NPAS1: variants seen among roughly 807,000 people sequenced by gnomAD.
NPAS1 encodes neuronal PAS domain protein 1.
In NPAS1, 29 loss-of-function variants were observed where a neutral mutation model predicts 49.2. That is an observed-to-expected ratio of 0.59 (90% CI 0.44 to 0.80). NPAS1 has a LOEUF of 0.80. Ranked by LOEUF, NPAS1 falls within the 30% of genes least tolerant of loss-of-function variation. The probability of loss-of-function intolerance (pLI) is 0.00; values close to 1 mark genes in which losing one functional copy is unlikely to be tolerated. For missense variants in NPAS1, 825 were observed against 835.5 expected, an observed-to-expected ratio of 0.99 and a Z score of 0.15; for synonymous variants, 408 against 380.4, an observed-to-expected ratio of 1.07 and a Z score of -0.84.
intron 3 of NPAS1, among the ~76,000 whole-genome samples, chr19:47,025,883 A>G (rs1044071034): frequency 1.1e-4 from 16 of 150,490 alleles, no homozygotes; most frequent in African/African-American, 1.7e-4. Context: ...CCAAGGGGTG[A>G]CTTCTTAGCT....
In NPAS1 at chr19:47,021,930, C is replaced by G. The variant is rs1369327747; in HGVS notation, c.358+83C>G. On this transcript the variant is annotated intron_variant, in intron 3 of 11. Coordinates refer to ENST00000602212, the MANE Select transcript of NPAS1 (RefSeq NM_002517.4). This position sits in a 1 kb window ranked among gnomAD's most constrained non-coding sequence, Gnocchi z 5.7. ...CCCAGATCCGGGCTGCGGGCCTGCCCTCGCCCAGATGCTTGTCTCTGGAGT... is the reference window on the plus strand; with the variant it reads ...CCCAGATCCGGGCTGCGGGCCTGCCGTCGCCCAGATGCTTGTCTCTGGAGT... 1 of 906,260 alleles carries G rather than the reference C, an allele frequency of 1.1e-6. No homozygotes were observed. The highest frequency in any genetic ancestry group is 1.8e-5 in the African/African-American group (1 of 56,268). 56.1% of individuals were successfully genotyped at this position (906,260 alleles called of 1,614,324 possible).
At chr19:47,029,243 G>A (rs776151434) in intron 3 of NPAS1, among the ~76,000 whole-genome samples, 29 of 150,742 alleles carry the variant, frequency 1.9e-4, no homozygotes, top group Non-Finnish European at 2.8e-4. Flanking sequence ...CACCACGCCC[G>A]GCTAGTTTTT....
chr19:47,038,257 G>A (rs757444050), intron 6 of NPAS1, among the ~76,000 whole-genome samples: 30 of 152,300 alleles, frequency 2.0e-4, no homozygotes, highest in Non-Finnish European at 3.2e-4. Flanking sequence ...AGTGGCTCAC[G>A]CCTGTAATCC....
intron 9 of NPAS1, 106 bp from the exon 10 acceptor site, chr19:47,040,872 C>T (rs748645074): frequency 5.2e-5 from 49 of 942,246 alleles, no homozygotes; most frequent in Middle Eastern, 2.2e-4. Flanking sequence ...TCTCCCTGCC[C>T]ACTCCCCTGC....
intron 3 of NPAS1, among the ~76,000 whole-genome samples, chr19:47,028,206 A>G (rs1245682729): frequency 1.3e-5 from 2 of 152,082 alleles, no homozygotes; most frequent in Non-Finnish European, 2.9e-5. Flanking sequence ...GACAGGGGAA[A>G]ATTGCGACAA....
intron 8 of NPAS1, among the ~76,000 whole-genome samples, chr19:47,040,222 C>T (rs1049348248): frequency 2.0e-5 from 3 of 152,098 alleles, no homozygotes; most frequent in African/African-American, 4.8e-5. Flanking sequence ...GGGGTTTCAC[C>T]ATCTTAGGCA....
In NPAS1 at chr19:47,045,431, A is replaced by AC. The variant is rs752459837; in HGVS notation, c.1559dup (p.Pro521AlafsTer91). The AC allele has an allele frequency of 4.4e-6, 7 of 1,602,776 alleles. No individual in the cohort carries two copies. Among genetic ancestry groups the AC allele is most frequent in the African/African-American group, 1.3e-5 (1 of 74,344 alleles). ...CCATGGGGCCTGGCGCCTCCCGGGG[A>AC]CCCCCCGCCCACCCTCCTGCACGCG... On this transcript the variant is annotated frameshift_variant, in exon 12 of 12. Transcript: ENST00000602212. LOFTEE classifies it low-confidence loss of function (END_TRUNC).
rs1299904565 is a variant in NPAS1, at chr19:47,032,562, T to G, written c.433-81T>G. On this transcript the variant is annotated intron_variant, in intron 4 of 11. Coordinates refer to ENST00000602212, the MANE Select transcript of NPAS1 (RefSeq NM_002517.4). ...TCCACCTCAGGTGGAGACCCAGGTT[T>G]CAGAACCTCTTACCACTTGGCGGCT... 12 of 1,364,680 alleles carry G rather than the reference T, an allele frequency of 8.8e-6. No homozygotes were observed. In the South Asian group the frequency reaches 1.4e-4, roughly 16 times the overall value. The allele number at this position is 1,364,680 out of a possible 1,614,324, so 84.5% of individuals were successfully genotyped here.
chr19:47,029,897 C>T (rs1373645319), intron 3 of NPAS1, among the ~76,000 whole-genome samples: 3 of 152,180 alleles, frequency 2.0e-5, no homozygotes, highest in Admixed American at 6.5e-5. Context: ...ATTGAGAAAC[C>T]GTCAAATTGT....
chr19:47,041,236 G>T lies in NPAS1; in HGVS notation c.1217+111G>T, dbSNP rs1599921238. 3.8e-6 allele frequency: 4 copies of T among 1,065,780 alleles called. No homozygotes were observed. In the East Asian group the frequency reaches 1.2e-4, roughly 32 times the overall value. The allele number at this position is 1,065,780 out of a possible 1,614,324, so 66.0% of individuals were successfully genotyped here. A position where few individuals can be genotyped will look rare whatever the true frequency, so the allele number is the denominator to read the frequency against. Reference sequence around the variant, plus strand: ...TTCTAGAATGGGACAAGCCCAGGGGGTCTGCAGACACGAAGGGGAAGGAGG... The same window carrying T: ...TTCTAGAATGGGACAAGCCCAGGGGTTCTGCAGACACGAAGGGGAAGGAGG... On this transcript the variant is annotated intron_variant, in intron 10 of 11. Coordinates refer to ENST00000602212, the MANE Select transcript of NPAS1 (RefSeq NM_002517.4).
At chr19:47,043,943 A>G (rs1038971794) in intron 11 of NPAS1, among the ~76,000 whole-genome samples, 3 of 149,256 alleles carry the variant, frequency 2.0e-5, no homozygotes, top group African/African-American at 5.0e-5. Context: ...GTTCACACCC[A>G]TAGTCCCAGC....
rs1282919986 is a variant in NPAS1 at position 47,036,015 on chromosome 19, T to A, written c.574T>A (p.Ser192Thr). 5 of 1,596,984 alleles carry A rather than the reference T, an allele frequency of 3.1e-6. No individual in the cohort carries two copies. Among genetic ancestry groups the A allele is most frequent in the Non-Finnish European group, 4.3e-6 (5 of 1,172,054 alleles). Reference sequence around the variant, plus strand: ...CGACTACATTCACCCTGGGGACCACTCAGAGGTGCTGGAGCAACTGGGGCT... The same window carrying A: ...CGACTACATTCACCCTGGGGACCACACAGAGGTGCTGGAGCAACTGGGGCT... ...VFDYIHPGDH[S>T]EVLEQLGLRT... The change falls in exon 6 of 12, where the codon TCA becomes ACA. Residue 192 changes from serine (S) to threonine (T), a missense_variant. Transcript: ENST00000602212.
intron 3 of NPAS1, among the ~76,000 whole-genome samples, chr19:47,025,802 T>C (rs2056867632): frequency 6.6e-6 from 1 of 152,118 alleles, no homozygotes; most frequent in South Asian, 2.1e-4. Flanking sequence ...CTCACATTCC[T>C]GGGATCAAGT....
chr19:47,036,189 A>G (rs1330181591), intron 6 of NPAS1, 60 bp downstream of exon 6: 4 of 1,500,028 alleles, frequency 2.7e-6, no homozygotes, highest in Admixed American at 2.0e-5. Context: ...CGCCCGCTGT[A>G]CTGTATCCAG....
intron 11 of NPAS1, among the ~76,000 whole-genome samples, chr19:47,044,428 A>G (rs1382900846): frequency 6.6e-6 from 1 of 152,184 alleles, no homozygotes; most frequent in African/African-American, 2.4e-5. Flanking sequence ...CACCTGCCAC[A>G]TATTGCATGC....
At chr19:47,029,332 C>A (rs1260039881) in intron 3 of NPAS1, among the ~76,000 whole-genome samples, 1 of 152,152 alleles carries the variant, frequency 6.6e-6, no homozygotes, top group South Asian at 2.1e-4. Flanking sequence ...GATCTGCCCA[C>A]CTCAGCCTCT....
At chr19:47,036,345 C>T (rs933488196) in intron 6 of NPAS1, among the ~76,000 whole-genome samples, 1 of 152,222 alleles carries the variant, frequency 6.6e-6, no homozygotes, top group Non-Finnish European at 1.5e-5. Flanking sequence ...AGAAAGACCC[C>T]CCTGGCTGCT....
At chr19:47,039,219 AAC>A in intron 7 of NPAS1, 68 bp downstream of exon 7, 1 of 1,508,392 alleles carries the variant, frequency 6.6e-7, no homozygotes. Context: ...TGACCGAGGG[AAC>A]CAGGCTGGTG....
chr19:47,042,470 C>A (rs1277763727), intron 10 of NPAS1, among the ~76,000 whole-genome samples: 1 of 152,206 alleles, frequency 6.6e-6, no homozygotes, highest in Non-Finnish European at 1.5e-5. Flanking sequence ...GCCCAGGTCT[C>A]TGGCTTTGCT....
Sources: allele counts gnomAD v4.1 joint callset (sites outside exome capture counted in the v4.1 genomes callset), GRCh38; gene constraint gnomAD v4.1.1; non-coding constraint Gnocchi (gnomAD v3.1); transcripts MANE v1.5; gene names NCBI Gene and HGNC (gene_info 2026-07-23, HGNC 2026-07-21).